Variants in GLDN observed in about 807,000 individuals in gnomAD.
The protein encoded by GLDN is gliomedin, also known as collomin.
A neutral mutation model predicts 56.5 loss-of-function variants in GLDN; 47 were observed. The ratio of observed to expected loss-of-function variants is 0.83; its 90% CI spans 0.66 to 1.06. The LOEUF is 1.06. GLDN is among the 50% of genes least tolerant of loss of function. The probability of loss-of-function intolerance (pLI) is 0.00; values close to 1 mark genes in which losing one functional copy is unlikely to be tolerated. For synonymous variants in GLDN, 332 were observed against 278.8 expected (o/e 1.19, Z -1.90); for missense variants, 782 against 714.3 (o/e 1.09, Z -1.08).
At chr15:51,364,904 G>A (rs193173678) in intron 1 of GLDN, among the ~76,000 whole-genome samples, 10 of 152,262 alleles carry the variant, frequency 6.6e-5, no homozygotes, top group Non-Finnish European at 7.4e-5. Context: ...CCTTGAGTAA[G>A]TTCCACATGG....
chr15:51,375,414 T>C (rs1262671347), intron 1 of GLDN, among the ~76,000 whole-genome samples: 3 of 152,252 alleles, frequency 2.0e-5, no homozygotes, highest in Non-Finnish European at 4.4e-5. Context: ...AGCATTTCTG[T>C]GTGCAGCACT....
chr15:51,349,746 T>TC (rs1004193362), intron 1 of GLDN, among the ~76,000 whole-genome samples: 1 of 151,828 alleles, frequency 6.6e-6, no homozygotes, highest in African/African-American at 2.4e-5. Flanking sequence ...GGGCTGATTT[T>TC]TTTTTTTTTT....
At chr15:51,343,995 G>C (rs1172887640) in intron 1 of GLDN, among the ~76,000 whole-genome samples, 1 of 152,204 alleles carries the variant, frequency 6.6e-6, no homozygotes, top group Non-Finnish European at 1.5e-5. Flanking sequence ...CTAACACTGA[G>C]TCTTTATTGT....
At chr15:51,343,788 T>C (rs2141042650) in intron 1 of GLDN, among the ~76,000 whole-genome samples, 1 of 152,328 alleles carries the variant, frequency 6.6e-6, no homozygotes, top group South Asian at 2.1e-4. Flanking sequence ...GGAGCAGTTC[T>C]CAAACAGTAG....
intron 2 of GLDN, among the ~76,000 whole-genome samples, chr15:51,379,623 A>G (rs1363635560): frequency 1.3e-5 from 2 of 152,154 alleles, no homozygotes; most frequent in Admixed American, 6.5e-5. Flanking sequence ...TTTGGTGTTC[A>G]TGGCCATCAC....
intron 6 of GLDN, among the ~76,000 whole-genome samples, 188 bp from the exon 7 acceptor site, chr15:51,400,004 G>A (rs767841618): frequency 6.6e-6 from 1 of 152,148 alleles, no homozygotes; most frequent in Non-Finnish European, 1.5e-5. Context: ...CAAGCAGGGC[G>A]AAGAATTTGG....
rs151332859 is a variant in GLDN at position 51,381,870 on chromosome 15, G to C, written c.416-1566G>C. On this transcript the variant is annotated intron_variant, in intron 2 of 9. Coordinates refer to ENST00000335449, the MANE Select transcript of GLDN (RefSeq NM_181789.4). ...CACCTAGTTCTATCCATCTACCAAC[G>C]ACAAAGAGGCTATCAAACCCACACT... Among the ~76,000 whole-genome samples, 336 of 151,174 alleles carry C rather than the reference G, an allele frequency of 2.2e-3. 3 individuals carry two copies. The highest frequency in any genetic ancestry group is 7.9e-3 in the African/African-American group (323 of 41,070).
At chr15:51,403,043 G>A (rs1003018191) in intron 9 of GLDN, among the ~76,000 whole-genome samples, 3 of 152,200 alleles carry the variant, frequency 2.0e-5, no homozygotes, top group African/African-American at 7.2e-5. Flanking sequence ...GTGGCGTGGG[G>A]GGCAGTTCTG....
chr15:51,393,704 T>C (rs2038068160), intron 4 of GLDN, among the ~76,000 whole-genome samples: 2 of 152,328 alleles, frequency 1.3e-5, no homozygotes, highest in South Asian at 2.1e-4. Context: ...ACAGGCTATT[T>C]GAGATCCTTC....
intron 1 of GLDN, among the ~76,000 whole-genome samples, chr15:51,352,282 T>A (rs1274106195): frequency 2.0e-5 from 3 of 152,114 alleles, no homozygotes; most frequent in Admixed American, 2.0e-4. Context: ...TTTTATAAAA[T>A]CATTTTTATA....
chr15:51,351,203 G>T, intron 1 of GLDN: 1 of 253,514 alleles, frequency 3.9e-6, no homozygotes, highest in Non-Finnish European at 7.9e-6. Context: ...TAGAGACAGG[G>T]TCTCACTATG....
Position 51,394,857 on chromosome 15 carries a change from T to C in GLDN, c.564T>C (p.Asn188=). ...CAGGGATACCTGGAGCTGCAGGAAATCCAGGGGAAAGGGGAGAAAAGGGAG... is the reference window on the plus strand; with the variant it reads ...CAGGGATACCTGGAGCTGCAGGAAACCCAGGGGAAAGGGGAGAAAAGGGAG... ...GKMGIPGAAG[N]PGERGEKGDH... is the part of the protein sequence containing the mutation. Residue 188 remains asparagine (N), a synonymous_variant, in exon 5 of 10, where the codon AAT becomes AAC. Transcript: ENST00000335449. The C allele has an allele frequency of 6.2e-7, 1 of 1,613,602 alleles. No individual in the cohort carries two copies. Among genetic ancestry groups the C allele is most frequent in the Non-Finnish European group, 8.5e-7 (1 of 1,179,822 alleles).
intron 1 of GLDN, among the ~76,000 whole-genome samples, chr15:51,347,371 C>G: frequency 6.6e-6 from 1 of 152,212 alleles, no homozygotes; most frequent in East Asian, 1.9e-4. Context: ...TGTGGCCCAA[C>G]TCAAATTCAT....
At chr15:51,383,532 C>A in intron 3 of GLDN, 79 bp downstream of exon 3, 1 of 1,530,618 alleles carries the variant, frequency 6.5e-7, no homozygotes, top group Non-Finnish European at 9.0e-7. Flanking sequence ...GGGACAGATG[C>A]GGGGAGGGCA....
At chr15:51,378,502 G>A (rs961054455) in intron 2 of GLDN, among the ~76,000 whole-genome samples, 40 of 152,164 alleles carry the variant, frequency 2.6e-4, no homozygotes, top group African/African-American at 8.7e-4. Context: ...CTGTTGAGAG[G>A]CACAGGAAAA....
At chr15:51,377,817 A>C (rs1200470272) in intron 2 of GLDN, among the ~76,000 whole-genome samples, 1 of 152,226 alleles carries the variant, frequency 6.6e-6, no homozygotes, top group Non-Finnish European at 1.5e-5. Flanking sequence ...AAGGGAAAAG[A>C]CCTTGCTAAT....
chr15:51,411,975 GT>G (rs1319436367), downstream of GLDN, among the ~76,000 whole-genome samples: 1 of 152,172 alleles, frequency 6.6e-6, no homozygotes. Flanking sequence ...GGGTACAATA[GT>G]TTTTACTTTA....
chr15:51,361,154 C>A (rs965496599), intron 1 of GLDN, among the ~76,000 whole-genome samples: 2 of 152,194 alleles, frequency 1.3e-5, no homozygotes, highest in Non-Finnish European at 2.9e-5. Context: ...CCATTAGAGG[C>A]CTGGGGAAGA....
chr15:51,374,911 AT>A (rs963984753), intron 1 of GLDN, among the ~76,000 whole-genome samples: 2 of 151,236 alleles, frequency 1.3e-5, no homozygotes, highest in African/African-American at 4.9e-5. Flanking sequence ...CTAATTTTTA[AT>A]TTTTTCATGG....
Sources: gnomAD v4.1 joint callset for allele counts (sites outside exome capture counted in the v4.1 genomes callset) on GRCh38, gnomAD v4.1.1 for gene constraint, MANE v1.5 for transcripts, NCBI Gene and HGNC (gene_info 2026-07-23, HGNC 2026-07-21) for gene names.